Variants in FAM193A observed in about 807,000 individuals in gnomAD.
The protein encoded by FAM193A is family with sequence similarity 193 member A.
A neutral mutation model predicts 126.5 loss-of-function variants in FAM193A; 22 were observed. That is an observed-to-expected ratio of 0.17 (90% confidence interval 0.12 to 0.25). The LOEUF (loss-of-function observed/expected upper bound fraction) is 0.25, where lower values mean the gene tolerates loss of function less well. Ranked by LOEUF, FAM193A falls within the 10% of genes least tolerant of loss-of-function variation. FAM193A has a pLI of 1.00. For synonymous variants in FAM193A, 761 were observed against 646.8 expected (o/e 1.18, Z -2.68); for missense variants, 1,675 against 1,672.8 (o/e 1.00, Z -0.02).
At chr4:2,537,538 C>T (rs1560425845) in intron 1 of FAM193A, among the ~76,000 whole-genome samples, 1 of 152,244 alleles carries the variant, frequency 6.6e-6, no homozygotes, top group African/African-American at 2.4e-5. Context: ...TCCGCTGGAC[C>T]CGGCGGGTGA....
At chr4:2,586,474 T>C (rs1223974261) in intron 1 of FAM193A, among the ~76,000 whole-genome samples, 1 of 152,150 alleles carries the variant, frequency 6.6e-6, no homozygotes, top group Non-Finnish European at 1.5e-5. Context: ...CTGTATTAAC[T>C]TCAATTTAAA....
In FAM193A at chr4:2,584,692, C is replaced by T. The variant is rs184794563; in HGVS notation, c.256-11392C>T. Among the ~76,000 whole-genome samples, 24 of 152,080 alleles carry T rather than the reference C, an allele frequency of 1.6e-4. No homozygotes were observed. In the East Asian group the frequency reaches 4.1e-3, roughly 26 times the overall value. Reference sequence around the variant, plus strand: ...CTGTAATCCCAGCACTTTGGGAGGCCGAGGTGGGCAGATCATGAGGTCAAG... The same window carrying T: ...CTGTAATCCCAGCACTTTGGGAGGCTGAGGTGGGCAGATCATGAGGTCAAG... On this transcript the variant is annotated intron_variant, in intron 1 of 20. Transcript: ENST00000637812.
At chr4:2,620,183 T>G (rs1324786435) in intron 2 of FAM193A, among the ~76,000 whole-genome samples, 1 of 152,210 alleles carries the variant, frequency 6.6e-6, no homozygotes, top group Non-Finnish European at 1.5e-5. Flanking sequence ...ATGAGTGCTA[T>G]AATGGGACAC....
Position 2,631,257 on chromosome 4 carries a change from A to C in FAM193A, c.1038+88A>C, listed in dbSNP as rs540872958. 70 of 1,263,620 alleles carry C rather than the reference A, an allele frequency of 5.5e-5. No homozygotes were observed. In the South Asian group the frequency reaches 9.3e-4, roughly 17 times the overall value. The allele number at this position is 1,263,620 out of a possible 1,614,324, so 78.3% of individuals were successfully genotyped here. ...GGAAGCTTCTCACGCATGTGTGCCG[A>C]CCTCGCTGTCACACCCCCACACACT... On this transcript the variant is annotated intron_variant, in intron 5 of 20. Coordinates refer to ENST00000637812, the MANE Select transcript of FAM193A (RefSeq NM_001366318.2).
intron 5 of FAM193A, among the ~76,000 whole-genome samples, chr4:2,633,419 T>TA (rs1743796726): frequency 6.6e-6 from 1 of 151,422 alleles, no homozygotes; most frequent in Non-Finnish European, 1.5e-5. Flanking sequence ...CAAAACAAAA[T>TA]AAAAAAGAAA....
At chr4:2,664,042 A>G (rs1223834682) in intron 12 of FAM193A, among the ~76,000 whole-genome samples, 3 of 152,308 alleles carry the variant, frequency 2.0e-5, no homozygotes, top group East Asian at 3.9e-4. Flanking sequence ...TGCTTGGCTG[A>G]TTTATTTTAT....
chr4:2,616,420 A>T (rs1742190713), intron 2 of FAM193A, among the ~76,000 whole-genome samples: 1 of 151,666 alleles, frequency 6.6e-6, no homozygotes, highest in African/African-American at 2.4e-5. Flanking sequence ...GTCTAGTCTG[A>T]CCTTCTCTGC....
intron 1 of FAM193A, among the ~76,000 whole-genome samples, chr4:2,558,847 A>G (rs1738430387): frequency 6.6e-6 from 1 of 152,210 alleles, no homozygotes; most frequent in Non-Finnish European, 1.5e-5. Context: ...CTAAAAATAC[A>G]AAAGTTAGCT....
intron 18 of FAM193A, among the ~76,000 whole-genome samples, chr4:2,699,352 G>C (rs1350836884): frequency 1.3e-5 from 2 of 151,682 alleles, no homozygotes; most frequent in Admixed American, 6.6e-5. Flanking sequence ...TGACTCCCTG[G>C]ATGTGTGCTT....
chr4:2,715,562 C>T, intron 19 of FAM193A: 1 of 977,574 alleles, frequency 1.0e-6, no homozygotes, highest in Non-Finnish European at 1.2e-6. Flanking sequence ...CTGTCAAGGG[C>T]ACATTCGAGG....
intron 2 of FAM193A, among the ~76,000 whole-genome samples, chr4:2,617,685 A>G (rs1742295404): frequency 6.6e-6 from 1 of 152,192 alleles, no homozygotes; most frequent in Admixed American, 6.5e-5. Context: ...CTCAAAGAAT[A>G]GTATACCACT....
At chr4:2,618,591 CTTTT>C (rs34641526) in intron 2 of FAM193A, among the ~76,000 whole-genome samples, 1 of 79,852 alleles carries the variant, frequency 1.3e-5, no homozygotes, top group African/African-American at 5.2e-5. Context: ...CCATGCCCGG[CTTTT>C]TTTTTTTTTT....
Position 2,700,096 on chromosome 4 carries a change from C to G in FAM193A, c.3924C>G (p.Leu1308=). 6.2e-7 allele frequency: 1 copy of G among 1,613,912 alleles called. No homozygotes were observed. Among genetic ancestry groups the G allele is most frequent in the African/African-American group, 1.3e-5 (1 of 74,978 alleles). Residue 1308 remains leucine, a synonymous_variant, in exon 19 of 21, where the codon CTC becomes CTG. Coordinates refer to ENST00000637812, the MANE Select transcript of FAM193A (RefSeq NM_001366318.2). ...TCGACACCAGAGACTCCAAATTTCT[C>G]CTCCCCAAGGAGGTGAATGGGAAGC... ...DPVDTRDSKF[L]LPKEVNGKQH...
chr4:2,596,888 A>G (rs539005657), intron 2 of FAM193A, among the ~76,000 whole-genome samples: 1 of 151,954 alleles, frequency 6.6e-6, no homozygotes, highest in Non-Finnish European at 1.5e-5. Flanking sequence ...ACTATTTGAG[A>G]CCCCACATTC....
At chr4:2,650,343 A>G (rs2109066715) in intron 7 of FAM193A, among the ~76,000 whole-genome samples, 1 of 152,260 alleles carries the variant, frequency 6.6e-6, no homozygotes, top group South Asian at 2.1e-4. Context: ...GAGAGCACAG[A>G]AGGAGGGAGG....
In FAM193A at chr4:2,564,375, C is replaced by T. The variant is rs1425299514; in HGVS notation, c.255+27205C>T. Among the ~76,000 whole-genome samples, 4 of 152,092 alleles carry T rather than the reference C, an allele frequency of 2.6e-5. No individual in the cohort carries two copies. The East Asian group carries it at 7.7e-4, about 29-fold the overall frequency. On this transcript the variant is annotated intron_variant, in intron 1 of 20. Coordinates refer to ENST00000637812, the MANE Select transcript of FAM193A (RefSeq NM_001366318.2). ...TGGGATTACAGGTGTGAGCCACCAC[C>T]CCTGGCCAGGAGCATGTAACTTTTT...
chr4:2,583,845 C>T (rs1215819257), intron 1 of FAM193A, among the ~76,000 whole-genome samples: 1 of 152,152 alleles, frequency 6.6e-6, no homozygotes, highest in Non-Finnish European at 1.5e-5. Context: ...CAGAAACAGT[C>T]ATGGATATGA....
intron 1 of FAM193A, among the ~76,000 whole-genome samples, chr4:2,562,540 T>C (rs1406047668): frequency 1.3e-5 from 2 of 152,094 alleles, no homozygotes; most frequent in African/African-American, 4.8e-5. Flanking sequence ...CCTTAGGCTG[T>C]AGGAAAAACA....
chr4:2,714,708 T>G (rs576282231), intron 19 of FAM193A, among the ~76,000 whole-genome samples: 11 of 152,308 alleles, frequency 7.2e-5, no homozygotes, highest in Admixed American at 7.2e-4. Flanking sequence ...GCTGCTATTA[T>G]GCGAGTAAAA....
Sources: gnomAD v4.1 joint callset for allele counts (sites outside exome capture counted in the v4.1 genomes callset) on GRCh38, gnomAD v4.1.1 for gene constraint, MANE v1.5 for transcripts, NCBI Gene and HGNC (gene_info 2026-07-23, HGNC 2026-07-21) for gene names.